PVR: variants seen among roughly 807,000 people sequenced by gnomAD.
PVR encodes the protein poliovirus receptor.
Under a neutral mutation model 43.3 loss-of-function variants are expected in PVR, and 39 were observed. The ratio of observed to expected loss-of-function variants is 0.90; its 90% CI spans 0.70 to 1.18. The LOEUF (loss-of-function observed/expected upper bound fraction) is 1.18, where lower values mean the gene tolerates loss of function less well. Ranked by LOEUF, PVR falls within the 50% of genes most tolerant of loss-of-function variation. PVR has a pLI of 0.00. For synonymous variants in PVR, 224 were observed against 233.2 expected (o/e 0.96, Z 0.36); for missense variants, 480 against 549.7 (o/e 0.87, Z 1.27).
In PVR at chr19:44,661,864, T is replaced by G; in HGVS notation, c.*53T>G. On this transcript the variant is annotated 3_prime_UTR_variant, in exon 8 of 8. Transcript: ENST00000425690. ...ACTGGAGCTGGCAAGGACGTGGGCC[T>G]CCAGAGTTGGACCCGACCCCAATGG... 3.2e-6 allele frequency: 5 copies of G among 1,547,770 alleles called. No individual in the cohort carries two copies. Among genetic ancestry groups the G allele is most frequent in the Non-Finnish European group, 4.5e-6 (5 of 1,122,870 alleles).
chr19:44,662,417 G>A lies in PVR; in HGVS notation c.*606G>A, dbSNP rs1267011086. 1.3e-5 allele frequency: 2 copies of A among 152,476 alleles called. No individual in the cohort carries two copies. Among genetic ancestry groups the A allele is most frequent in the African/African-American group, 4.8e-5 (2 of 41,436 alleles). The allele number at this position is 152,476 out of a possible 1,614,324, so 9.4% of individuals were successfully genotyped here. On this transcript the variant is annotated 3_prime_UTR_variant, in exon 8 of 8. Transcript: ENST00000425690. ...ACTACAGGTATGTGCCACCACGTCTGGCTAATCTTTTTATTATTTGTAAAG... is the reference window on the plus strand; with the variant it reads ...ACTACAGGTATGTGCCACCACGTCTAGCTAATCTTTTTATTATTTGTAAAG...
intron 2 of PVR, among the ~76,000 whole-genome samples, chr19:44,649,073 C>G (rs1973207301): frequency 6.6e-6 from 1 of 152,152 alleles, no homozygotes; most frequent in South Asian, 2.1e-4. Flanking sequence ...CAGGCTTCCT[C>G]TCCTCCACTG....
At chr19:44,659,040 A>AACAAG in intron 6 of PVR, 140 bp downstream of exon 6, 1 of 719,096 alleles carries the variant, frequency 1.4e-6, no homozygotes, top group Non-Finnish European at 2.3e-6. Flanking sequence ...AGAGCCAGGG[A>AACAAG]GCCTTGTTCA....
rs552213677 is a variant in PVR at position 44,661,818 on chromosome 19, C to T, written c.*7C>T. ...GACAGAGGGCACAAGGTGACAGCGT[C>T]GGGACTGAGAGGGGAGAGAGACTGG... On this transcript the variant is annotated 3_prime_UTR_variant, in exon 8 of 8. Coordinates refer to ENST00000425690, the MANE Select transcript of PVR (RefSeq NM_006505.5). The T allele has an allele frequency of 2.5e-6, 4 of 1,613,478 alleles. No individual in the cohort carries two copies. The highest frequency in any genetic ancestry group is 1.1e-5 in the South Asian group (1 of 91,068).
chr19:44,657,867 T>G lies in PVR; in HGVS notation c.948T>G (p.Asn316Lys). 6.2e-7 allele frequency: 1 copy of G among 1,613,938 alleles called. No homozygotes were observed. The stretch of plus-strand genomic sequence containing the variant: ...CAACTTTAATCTGCAACGTCACCAA[T>G]GCCCTAGGAGCTCGCCAGGCAGAAC... ...INTTLICNVT[N>K]ALGARQAELT... is the part of the protein sequence containing the mutation. Residue 316 changes from asparagine (N) to lysine (K), a missense_variant, in exon 5 of 8, where the codon AAT becomes AAG. Asn to Lys is a moderately conservative substitution (Grantham distance 94). Coordinates refer to ENST00000425690, the MANE Select transcript of PVR (RefSeq NM_006505.5).
rs927333625 is a variant in PVR at position 44,644,006 on chromosome 19, G to C, written c.-91G>C. ...GGGGATTCCAGGACCTGAGCTCCGG[G>C]AGCTGGACTCGCAGCGACCGCGGCA... On this transcript the variant is annotated 5_prime_UTR_variant, in exon 1 of 8. Transcript: ENST00000425690. The C allele has an allele frequency of 9.1e-7, 1 of 1,097,732 alleles. No individual in the cohort carries two copies. The highest frequency in any genetic ancestry group is 1.6e-5 in the African/African-American group (1 of 60,886). 68.0% of individuals were successfully genotyped at this position (1,097,732 alleles called of 1,614,324 possible). A position where few individuals can be genotyped will look rare whatever the true frequency, so the allele number is the denominator to read the frequency against.
At chr19:44,653,677 A>G (rs542263011) in intron 3 of PVR, 2 of 497,434 alleles carry the variant, frequency 4.0e-6, no homozygotes, top group Non-Finnish European at 7.3e-6. Context: ...GCTAGTGGAG[A>G]AAAGCAGCTC....
At chr19:44,653,695 GC>G in intron 3 of PVR, 1 of 546,098 alleles carries the variant, frequency 1.8e-6, no homozygotes. Flanking sequence ...CTCCTCAGAA[GC>G]CTTCTCCATG....
At chr19:44,647,796 A>G (rs1342901327) in intron 2 of PVR, among the ~76,000 whole-genome samples, 1 of 151,760 alleles carries the variant, frequency 6.6e-6, no homozygotes, top group Non-Finnish European at 1.5e-5. Context: ...TCAGGGAGTA[A>G]GGACCCCCAA....
Position 44,658,970 on chromosome 19 carries a change from C to T in PVR, c.1150+70C>T, listed in dbSNP as rs369725394. ...TCTGTGCTGAGTCCTTCCAGTGTGC[C>T]TCTCACTGAATCCTCACCCCACTGC... On this transcript the variant is annotated intron_variant, in intron 6 of 7. Transcript: ENST00000425690. 1.0e-5 allele frequency: 15 copies of T among 1,457,188 alleles called. No homozygotes were observed. In the African/African-American group the frequency reaches 2.1e-4, roughly 20 times the overall value. 90.3% of individuals were successfully genotyped at this position (1,457,188 alleles called of 1,614,324 possible).
At chr19:44,657,684 G>A (rs1973485763) in intron 4 of PVR, 78 bp from the exon 5 acceptor site, 4 of 1,476,138 alleles carry the variant, frequency 2.7e-6, no homozygotes, top group African/African-American at 2.8e-5. Flanking sequence ...AGGGTTTCTG[G>A]GCACGTAGTG....
intron 4 of PVR, among the ~76,000 whole-genome samples, chr19:44,656,789 G>A (rs1449827984): frequency 6.6e-6 from 1 of 152,024 alleles, no homozygotes; most frequent in Non-Finnish European, 1.5e-5. Context: ...GGCCAACATG[G>A]CGAAACCCCA....
chr19:44,663,215 C>T lies in PVR; in HGVS notation c.*1404C>T, dbSNP rs1973630966. On this transcript the variant is annotated 3_prime_UTR_variant, in exon 8 of 8. Transcript: ENST00000425690. ...AGTGCAACTGACAAGTTAAAAAGGT[C>T]TATGATCTTGAGGGCAGACAGCAGA... is the stretch of plus-strand genomic sequence containing the variant. The T allele has an allele frequency of 6.6e-6, 1 of 152,206 alleles. No homozygotes were observed. The highest frequency in any genetic ancestry group is 1.9e-4 in the East Asian group (1 of 5,204). The allele number at this position is 152,206 out of a possible 1,614,324, so 9.4% of individuals were successfully genotyped here. A position where few individuals can be genotyped will look rare whatever the true frequency, so the allele number is the denominator to read the frequency against.
chr19:44,660,059 T>C (rs1209201035), intron 6 of PVR, among the ~76,000 whole-genome samples: 1 of 152,148 alleles, frequency 6.6e-6, no homozygotes, highest in East Asian at 1.9e-4. Flanking sequence ...CACTAGGCTC[T>C]CCCACTCCAG....
chr19:44,652,948 G>A (rs1973322876), intron 3 of PVR, among the ~76,000 whole-genome samples: 1 of 152,094 alleles, frequency 6.6e-6, no homozygotes, highest in Non-Finnish European at 1.5e-5. Context: ...TTTGAAATCT[G>A]GTGTGTATTT....
chr19:44,645,354 TTTA>T (rs1275076728), intron 1 of PVR, among the ~76,000 whole-genome samples: 10 of 123,356 alleles, frequency 8.1e-5, no homozygotes, highest in Admixed American at 2.0e-4. Flanking sequence ...TAATATATAT[TTTA>T]TTATACATTT....
At chr19:44,661,465 T>G (rs2272021) in intron 7 of PVR, 142 bp downstream of exon 7, 98,889 of 930,746 alleles carry the variant, frequency 0.11, 8,940 homozygotes, top group African/African-American at 0.39. Flanking sequence ...CCCTTCCTGC[T>G]GGGCGGAATC....
chr19:44,647,100 G>GCC, intron 1 of PVR, 123 bp from the exon 2 acceptor site: 1 of 147,854 alleles, frequency 6.8e-6, no homozygotes, highest in Non-Finnish European at 1.2e-5. Context: ...ACACCCCACG[G>GCC]TCCACCGGGG....
chr19:44,647,078 C>G, intron 1 of PVR, 145 bp from the exon 2 acceptor site: 9 of 186,430 alleles, frequency 4.8e-5, no homozygotes, highest in East Asian at 1.9e-4. Context: ...TGCCCCAGTT[C>G]CCCCTCCCCC....
Sources: allele counts gnomAD v4.1 joint callset (sites outside exome capture counted in the v4.1 genomes callset), GRCh38; gene constraint gnomAD v4.1.1; transcripts MANE v1.5; gene names NCBI Gene and HGNC (gene_info 2026-07-23, HGNC 2026-07-21).